CSGALNACT1: variants seen among roughly 807,000 people sequenced by gnomAD.
The protein encoded by CSGALNACT1 is beta4GalNAcT-1.
CSGALNACT1 carries 52 observed loss-of-function variants against 51.0 expected under a neutral mutation model. The ratio of observed to expected loss-of-function variants is 1.02; its 90% CI spans 0.82 to 1.29. CSGALNACT1 has a LOEUF of 1.29. Among genes scored for constraint, CSGALNACT1 ranks in the 50% most tolerant of loss-of-function variants. CSGALNACT1 has a pLI of 0.00. For synonymous variants in CSGALNACT1, 341 were observed against 254.4 expected (o/e 1.34, Z -3.24); for missense variants, 935 against 679.2 (o/e 1.38, Z -4.19).
upstream of CSGALNACT1, among the ~76,000 whole-genome samples, chr8:19,684,296 C>T (rs565202684): frequency 6.6e-6 from 1 of 152,184 alleles, no homozygotes; most frequent in East Asian, 1.9e-4. Context: ...GTAAAGGTGG[C>T]ATTTCAAATC....
At chr8:19,666,295 T>G (rs1476554147) in intron 1 of CSGALNACT1, among the ~76,000 whole-genome samples, 2 of 152,202 alleles carry the variant, frequency 1.3e-5, no homozygotes, top group African/African-American at 4.8e-5. Context: ...ACTAGAGGAA[T>G]AGAAGCCCAG....
chr8:19,719,255 AT>A (rs1470254588), intron 1 of CSGALNACT1, among the ~76,000 whole-genome samples: 8 of 152,042 alleles, frequency 5.3e-5, no homozygotes, highest in South Asian at 2.1e-4. Context: ...CATTGCATGC[AT>A]TTTTTTGGAA....
At chr8:19,494,322 T>C (rs4319111) in intron 4 of CSGALNACT1, among the ~76,000 whole-genome samples, 119,142 of 152,056 alleles carry the variant, frequency 0.78, 46,952 homozygotes, top group East Asian at 0.85. Context: ...CACACACATC[T>C]TTGGCCTACA....
At chr8:19,702,414 A>AGGCTGG (rs1472389604) in intron 1 of CSGALNACT1, among the ~76,000 whole-genome samples, 1 of 152,156 alleles carries the variant, frequency 6.6e-6, no homozygotes, top group Non-Finnish European at 1.5e-5. Context: ...TGGGAGGCTG[A>AGGCTGG]GGCTGGAGGA....
chr8:19,745,076 T>C (rs2064565218), intron 1 of CSGALNACT1, among the ~76,000 whole-genome samples: 1 of 152,262 alleles, frequency 6.6e-6, no homozygotes, highest in African/African-American at 2.4e-5. Context: ...TGGTTCAGCC[T>C]GTCATAGTCG....
intron 3 of CSGALNACT1, among the ~76,000 whole-genome samples, chr8:19,564,836 A>G (rs2041579489): frequency 6.6e-6 from 1 of 152,220 alleles, no homozygotes; most frequent in African/African-American, 2.4e-5. Flanking sequence ...GCCCCATGAA[A>G]GCAAAACCTT....
chr8:19,406,405 G>C (rs2054185605), intron 9 of CSGALNACT1, among the ~76,000 whole-genome samples: 1 of 151,534 alleles, frequency 6.6e-6, no homozygotes, highest in African/African-American at 2.4e-5. Flanking sequence ...GTATTCGGTA[G>C]CATTATTACT....
upstream of CSGALNACT1, among the ~76,000 whole-genome samples, chr8:19,606,034 C>T (rs906957927): frequency 6.6e-6 from 1 of 152,218 alleles, no homozygotes; most frequent in African/African-American, 2.4e-5. Context: ...CCAAGGCTTA[C>T]TCACCTGCAT....
chr8:19,546,288 A>G (rs148523670), intron 3 of CSGALNACT1, among the ~76,000 whole-genome samples: 146 of 152,314 alleles, frequency 9.6e-4, no homozygotes, highest in African/African-American at 3.2e-3. Flanking sequence ...TGGCTTTCAT[A>G]TATGCCTAGA....
chr8:19,666,827 G>GGAAGTGAGGA (rs2059259358), intron 1 of CSGALNACT1, among the ~76,000 whole-genome samples: 1 of 39,964 alleles, frequency 2.5e-5, no homozygotes, highest in Admixed American at 2.7e-4. Context: ...GAGAGAGAGA[G>GGAAGTGAGGA]AGAGAGAAAG....
At chr8:19,720,685 C>G (rs2063072084) in intron 1 of CSGALNACT1, among the ~76,000 whole-genome samples, 1 of 152,318 alleles carries the variant, frequency 6.6e-6, no homozygotes, top group Non-Finnish European at 1.5e-5. Context: ...TCCCTCCCCT[C>G]TACCTCCCAT....
At chr8:19,667,238 T>C (rs1348845671) in intron 1 of CSGALNACT1, among the ~76,000 whole-genome samples, 2 of 139,240 alleles carry the variant, frequency 1.4e-5, no homozygotes, top group African/African-American at 5.4e-5. Context: ...CTGCCAAACA[T>C]GGCGAAACCC....
chr8:19,674,995 T>G (rs1169951574), intron 1 of CSGALNACT1, among the ~76,000 whole-genome samples: 7 of 152,128 alleles, frequency 4.6e-5, no homozygotes, highest in African/African-American at 1.7e-4. Context: ...ATCTTGAGAC[T>G]CAAAGTTGAG....
chr8:19,707,034 A>G (rs1484333988), intron 1 of CSGALNACT1, among the ~76,000 whole-genome samples: 1 of 152,082 alleles, frequency 6.6e-6, no homozygotes, highest in East Asian at 1.9e-4. Context: ...GGAAGGAGAG[A>G]GGCCGGGAAG....
In CSGALNACT1 at chr8:19,511,442, G is replaced by A. The variant is rs377261563; in HGVS notation, c.-296-5312C>T. Among the ~76,000 whole-genome samples, 8 of 152,232 alleles carry A rather than the reference G, an allele frequency of 5.3e-5. No homozygotes were observed. In the East Asian group the frequency reaches 5.8e-4, roughly 11 times the overall value. On this transcript the variant is annotated intron_variant, in intron 3 of 9. Transcript: ENST00000454498. Reference sequence around the variant, plus strand: ...AACATAAACTCAAGTCATATCTCTCGGATAAACATACCATCCTGGAGGTGT... The same window carrying A: ...AACATAAACTCAAGTCATATCTCTCAGATAAACATACCATCCTGGAGGTGT...
intron 4 of CSGALNACT1, among the ~76,000 whole-genome samples, chr8:19,477,216 T>G (rs1255201927): frequency 2.6e-5 from 4 of 152,200 alleles, no homozygotes; most frequent in Non-Finnish European, 5.9e-5. Context: ...CATCCTCTTA[T>G]GCCACTCCAG....
intron 4 of CSGALNACT1, among the ~76,000 whole-genome samples, chr8:19,497,494 C>G (rs555432104): frequency 6.0e-4 from 91 of 152,228 alleles, no homozygotes; most frequent in African/African-American, 2.0e-3. Context: ...TCATGAGAAC[C>G]AGACTCAGGT....
intron 1 of CSGALNACT1, among the ~76,000 whole-genome samples, chr8:19,656,460 G>C (rs932434583): frequency 7.2e-5 from 11 of 151,916 alleles, no homozygotes; most frequent in African/African-American, 2.7e-4. Context: ...TTTCTATAGA[G>C]GAACCCACCT....
intron 1 of CSGALNACT1, among the ~76,000 whole-genome samples, chr8:19,615,983 C>A (rs955724086): frequency 1.3e-5 from 2 of 152,064 alleles, no homozygotes; most frequent in Non-Finnish European, 2.9e-5. Context: ...ATAGGCATAT[C>A]CATATCATCA....
Sources: allele counts gnomAD v4.1 joint callset (sites outside exome capture counted in the v4.1 genomes callset), GRCh38; gene constraint gnomAD v4.1.1; transcripts MANE v1.5; gene names NCBI Gene and HGNC (gene_info 2026-07-23, HGNC 2026-07-21).